CCND3: variants seen among roughly 807,000 people sequenced by gnomAD.
CCND3 encodes the protein cyclin D3.
Under a neutral mutation model 28.7 loss-of-function variants are expected in CCND3, and 9 were observed. That is an observed-to-expected ratio of 0.31 (90% confidence interval 0.19 to 0.55). The LOEUF (loss-of-function observed/expected upper bound fraction) is 0.55, where lower values mean the gene tolerates loss of function less well. Among genes scored for constraint, CCND3 ranks in the 20% least tolerant of loss-of-function variants. The probability of loss-of-function intolerance (pLI) is 0.93; values close to 1 mark genes in which losing one functional copy is unlikely to be tolerated. For missense variants in CCND3, 315 were observed against 385.8 expected (o/e 0.82, Z 1.54); for synonymous variants, 164 against 163.9 (o/e 1.00, Z 0.00).
intron 2 of CCND3, among the ~76,000 whole-genome samples, chr6:41,940,090 C>A (rs931045739): frequency 2.6e-5 from 4 of 152,136 alleles, no homozygotes; most frequent in Non-Finnish European, 5.9e-5. Context: ...TGCAATTTGA[C>A]TTGTTGCTAT....
rs571303354 is a variant in CCND3, at chr6:41,970,085, A to C, written c.-45-29500T>G. Among the ~76,000 whole-genome samples the C allele has an allele frequency of 1.2e-4, 19 of 152,296 alleles. No individual in the cohort carries two copies. In the South Asian group the frequency reaches 3.5e-3, roughly 28 times the overall value. ...GCCAGGCGCGGTGGCTCACTCCTGT[A>C]ATCTCAGCATTTTGGGAGACCAAGG... is the stretch of plus-strand genomic sequence containing the variant. On this transcript the variant is annotated intron_variant, in intron 1 of 4. Transcript: ENST00000372988.
chr6:42,023,682 G>A (rs1763779791), intron 1 of CCND3, among the ~76,000 whole-genome samples: 1 of 143,548 alleles, frequency 7.0e-6, no homozygotes, highest in Non-Finnish European at 1.5e-5. Flanking sequence ...ATGCCAGTCT[G>A]TATCTACTCA....
chr6:42,048,801 A>C lies in CCND3; in HGVS notation c.-346T>G. The C allele has an allele frequency of 7.1e-6, 3 of 424,934 alleles. No homozygotes were observed. Among genetic ancestry groups the C allele is most frequent in the East Asian group, 1.6e-4 (2 of 12,836 alleles). The allele number at this position is 424,934 out of a possible 1,614,324, so 26.3% of individuals were successfully genotyped here. On this transcript the variant is annotated 5_prime_UTR_variant, in exon 1 of 5. Transcript: ENST00000372988. This position sits in a 1 kb window ranked among gnomAD's most constrained non-coding sequence, Gnocchi z 4.7. ...CAGCCAAGTTTCGGTCCCCGGCCTG[A>C]CTCTCCCACCCCCTGTACACCCTCG...
chr6:41,983,818 C>G (rs550749760), intron 1 of CCND3, among the ~76,000 whole-genome samples: 2 of 152,134 alleles, frequency 1.3e-5, no homozygotes, highest in East Asian at 3.9e-4. Context: ...GTACTCCAGC[C>G]TGGGTAACAA....
At chr6:41,942,705 G>A (rs1197537292), upstream of CCND3, among the ~76,000 whole-genome samples, 2 of 151,922 alleles carry the variant, frequency 1.3e-5, no homozygotes, top group Non-Finnish European at 2.9e-5. Flanking sequence ...CAAACTTTTG[G>A]TTACTTTGTA....
chr6:41,984,007 T>C (rs892198332), intron 1 of CCND3, among the ~76,000 whole-genome samples: 4 of 152,154 alleles, frequency 2.6e-5, no homozygotes, highest in African/African-American at 4.8e-5. Context: ...TCCCAAGAGT[T>C]TGACTTTTTA....
At chr6:42,028,538 C>G (rs1763948573) in intron 1 of CCND3, among the ~76,000 whole-genome samples, 1 of 152,214 alleles carries the variant, frequency 6.6e-6, no homozygotes, top group African/African-American at 2.4e-5. Flanking sequence ...ATCTTCCTTC[C>G]TGCTCATGAT....
intron 1 of CCND3, chr6:42,018,406 G>GA (rs1243215929): frequency 6.6e-6 from 1 of 151,878 alleles, no homozygotes; most frequent in Non-Finnish European, 1.5e-5. Context: ...TGTTAGCCAG[G>GA]AAAAAATACG....
intron 1 of CCND3, among the ~76,000 whole-genome samples, chr6:41,959,679 T>TCCGCCTCAAAAAAAAAAAAAAA (rs772818142): frequency 1.4e-5 from 2 of 147,120 alleles, no homozygotes; most frequent in South Asian, 2.2e-4. Context: ...ACAGCAAGAC[T>TCCGCCTCAAAAAAAAAAAAAAA]AAATCAGGCC....
chr6:42,040,572 G>A (rs549793267), intron 1 of CCND3, among the ~76,000 whole-genome samples: 23 of 151,004 alleles, frequency 1.5e-4, no homozygotes, highest in African/African-American at 3.9e-4. Flanking sequence ...AAAAAACCTC[G>A]GCCAGGCACA....
chr6:42,014,147 C>T (rs1285583558), intron 1 of CCND3, among the ~76,000 whole-genome samples: 1 of 151,394 alleles, frequency 6.6e-6, no homozygotes, highest in Non-Finnish European at 1.5e-5. Context: ...GGGTGGATCA[C>T]GAGGTCAGGA....
At chr6:42,042,097 C>A (rs913389386) in intron 1 of CCND3, among the ~76,000 whole-genome samples, 1 of 152,190 alleles carries the variant, frequency 6.6e-6, no homozygotes, top group Non-Finnish European at 1.5e-5. Context: ...TGACCACAGG[C>A]CAGAGCTTGT....
chr6:41,940,670 A>G (rs577406935), intron 1 of CCND3, 85 bp from the exon 2 acceptor site: 1 of 971,700 alleles, frequency 1.0e-6, no homozygotes, highest in Non-Finnish European at 1.6e-6. Flanking sequence ...GTGAGGTGGG[A>G]TAGGGAGCAA....
intron 1 of CCND3, among the ~76,000 whole-genome samples, chr6:42,005,261 G>T (rs568409750): frequency 6.6e-6 from 1 of 152,106 alleles, no homozygotes; most frequent in African/African-American, 2.4e-5. Flanking sequence ...AATTACTGGG[G>T]CGAGGTGTGG....
At chr6:41,953,687 C>T (rs1467921674) in intron 1 of CCND3, among the ~76,000 whole-genome samples, 2 of 151,992 alleles carry the variant, frequency 1.3e-5, no homozygotes, top group Admixed American at 6.6e-5. Flanking sequence ...AGGTCAGGGA[C>T]TCCCTGGTCT....
In CCND3 at chr6:42,048,597, C is replaced by A. The variant is rs747608843; in HGVS notation, c.-142G>T. ...TGCCTTTGGGGAGTGGGGGTGGTCG[C>A]AACCACCAGCCGCGAGGAGAGGATT... On this transcript the variant is annotated 5_prime_UTR_variant, in exon 1 of 5. Coordinates refer to the CCND3 transcript ENST00000372988. This position sits in a 1 kb window ranked among gnomAD's most constrained non-coding sequence, Gnocchi z 4.7. The A allele has an allele frequency of 1.9e-6, 1 of 515,842 alleles. No individual in the cohort carries two copies. The highest frequency in any genetic ancestry group is 3.9e-6 in the Non-Finnish European group (1 of 258,792). The allele number at this position is 515,842 out of a possible 1,614,324, so 32.0% of individuals were successfully genotyped here.
chr6:41,941,061 G>C lies in CCND3; in HGVS notation c.198+391C>G. The stretch of plus-strand genomic sequence containing the variant: ...ATCGCCTTCCCCGCCAGAACCCCGC[G>C]AAAGACACAGGAACCGGCTCCCGGG... On this transcript the variant is annotated intron_variant, in intron 1 of 4. Coordinates refer to ENST00000372991, the MANE Select transcript of CCND3 (RefSeq NM_001760.5). The surrounding 1 kb of genome is among the most constrained non-coding windows in gnomAD (Gnocchi z 6.1). 1 of 1,588,700 alleles carries C rather than the reference G, an allele frequency of 6.3e-7. No homozygotes were observed. Among genetic ancestry groups the C allele is most frequent in the Non-Finnish European group, 8.6e-7 (1 of 1,166,162 alleles).
At chr6:41,964,475 A>T (rs28603030) in intron 1 of CCND3, among the ~76,000 whole-genome samples, 49 of 108,138 alleles carry the variant, frequency 4.5e-4, no homozygotes, top group Admixed American at 2.4e-3. Flanking sequence ...TGTGTGTGTG[A>T]GTGTGTGTGA....
chr6:42,040,155 C>T (rs575927672), intron 1 of CCND3, among the ~76,000 whole-genome samples: 11 of 152,250 alleles, frequency 7.2e-5, no homozygotes, highest in Admixed American at 2.6e-4. Flanking sequence ...CAGTGGCTCA[C>T]GCCTGTAATC....
Sources: allele counts gnomAD v4.1 joint callset (sites outside exome capture counted in the v4.1 genomes callset), GRCh38; gene constraint gnomAD v4.1.1; non-coding constraint Gnocchi (gnomAD v3.1); transcripts MANE v1.5; gene names NCBI Gene and HGNC (gene_info 2026-07-23, HGNC 2026-07-21).